CYP7B1: variants seen among roughly 807,000 people sequenced by gnomAD.
CYP7B1 encodes the protein cytochrome P450 7B1.
In CYP7B1, 29 loss-of-function variants were observed where a neutral mutation model predicts 42.7. The observed-to-expected ratio is 0.68, with a 90% CI of 0.51 to 0.93. The LOEUF (loss-of-function observed/expected upper bound fraction) is 0.93. Ranked by LOEUF, CYP7B1 falls within the 40% of genes least tolerant of loss-of-function variation. The pLI is 0.00. For synonymous variants in CYP7B1, 235 were observed against 218.2 expected, an observed-to-expected ratio of 1.08 and a Z score of -0.68; for missense variants, 655 against 600.5, an observed-to-expected ratio of 1.09 and a Z score of -0.95.
chr8:64,786,392 A>AT (rs1449000670), intron 1 of CYP7B1, among the ~76,000 whole-genome samples: 6 of 152,212 alleles, frequency 3.9e-5, no homozygotes, highest in Non-Finnish European at 7.3e-5. Flanking sequence ...CCCATTCCAA[A>AT]TGGGAGAAAC....
chr8:64,724,923 T>C (rs1807299448), intron 1 of CYP7B1, among the ~76,000 whole-genome samples: 1 of 152,236 alleles, frequency 6.6e-6, no homozygotes, highest in African/African-American at 2.4e-5. Flanking sequence ...CCTGTCTTTC[T>C]GTCTGTCAGC....
chr8:64,593,715 T>A lies in CYP7B1; in HGVS notation c.*2927A>T, dbSNP rs760687390. On this transcript the variant is annotated 3_prime_UTR_variant, in exon 6 of 6. Coordinates refer to ENST00000310193, the MANE Select transcript of CYP7B1 (RefSeq NM_004820.5). ...GTAAACAAGCCATTCCTGGTAACAG[T>A]GACAGCAAAACACATAAACTACAGA... 2.6e-5 allele frequency among the ~76,000 whole-genome samples: 4 copies of A among 152,068 alleles called. No individual in the cohort carries two copies. The highest frequency in any genetic ancestry group is 5.9e-5 in the Non-Finnish European group (4 of 68,016).
rs1806895258 is a variant in CYP7B1, at chr8:64,700,283, A to T, written c.123-75744T>A. ...GCAATTTTGACATCAGTCCTTTCTAACAACCACCAGGACAGGGACCATCTA... is the reference window on the plus strand; with the variant it reads ...GCAATTTTGACATCAGTCCTTTCTATCAACCACCAGGACAGGGACCATCTA... On this transcript the variant is annotated intron_variant, in intron 1 of 5. Coordinates refer to ENST00000310193, the MANE Select transcript of CYP7B1 (RefSeq NM_004820.5). Among the ~76,000 whole-genome samples, 3 of 152,074 alleles carry T rather than the reference A, an allele frequency of 2.0e-5. No homozygotes were observed. The South Asian group carries it at 6.2e-4, about 31-fold the overall frequency.
chr8:64,606,925 G>A (rs919700237), intron 4 of CYP7B1, among the ~76,000 whole-genome samples: 2 of 152,182 alleles, frequency 1.3e-5, no homozygotes, highest in African/African-American at 4.8e-5. Context: ...AGAGCTATAC[G>A]TTGAGAAGAA....
intron 1 of CYP7B1, among the ~76,000 whole-genome samples, chr8:64,670,309 TC>T (rs1806346285): frequency 6.6e-6 from 1 of 152,214 alleles, no homozygotes; most frequent in Non-Finnish European, 1.5e-5. Context: ...CATGTATTTT[TC>T]AATACTATAT....
chr8:64,718,214 T>C (rs4737677), intron 1 of CYP7B1, among the ~76,000 whole-genome samples: 12,268 of 152,136 alleles, frequency 0.081, 742 homozygotes, highest in African/African-American at 0.16. Flanking sequence ...ATTAACTACC[T>C]CTTCGTTCAT....
intron 1 of CYP7B1, among the ~76,000 whole-genome samples, chr8:64,750,465 G>A (rs188170663): frequency 8.7e-4 from 133 of 152,292 alleles, no homozygotes; most frequent in African/African-American, 3.2e-3. Flanking sequence ...GCTTCTTAGG[G>A]AAAAATTAAG....
chr8:64,796,761 T>C (rs149950260), intron 1 of CYP7B1, among the ~76,000 whole-genome samples: 11 of 152,286 alleles, frequency 7.2e-5, no homozygotes, highest in South Asian at 2.1e-4. Flanking sequence ...GTGGAAAATA[T>C]AAGGTGCAAC....
chr8:64,652,015 A>C (rs111527674), intron 1 of CYP7B1, among the ~76,000 whole-genome samples: 10 of 152,328 alleles, frequency 6.6e-5, no homozygotes, highest in African/African-American at 2.4e-4. Context: ...TCTATCAATG[A>C]TAGCTATTGT....
At chr8:64,648,947 C>T (rs1805995171) in intron 1 of CYP7B1, among the ~76,000 whole-genome samples, 1 of 152,154 alleles carries the variant, frequency 6.6e-6, no homozygotes, top group African/African-American at 2.4e-5. Context: ...ATCATCCTTA[C>T]CCACATGCTC....
At chr8:64,696,998 C>T (rs1215186421) in intron 1 of CYP7B1, among the ~76,000 whole-genome samples, 3 of 152,100 alleles carry the variant, frequency 2.0e-5, no homozygotes, top group Admixed American at 6.5e-5. Context: ...GTGGCAAATG[C>T]TACAAACACA....
intron 1 of CYP7B1, among the ~76,000 whole-genome samples, chr8:64,779,399 C>T (rs1322348314): frequency 6.6e-6 from 1 of 152,022 alleles, no homozygotes; most frequent in Non-Finnish European, 1.5e-5. Flanking sequence ...AAAGTGTTGG[C>T]CATCCCTATT....
chr8:64,693,126 C>T (rs1207111095), intron 1 of CYP7B1, among the ~76,000 whole-genome samples: 2 of 152,204 alleles, frequency 1.3e-5, no homozygotes, highest in South Asian at 4.1e-4. Flanking sequence ...ACTTGCAGAG[C>T]CTAGCCAGAG....
intron 5 of CYP7B1, 44 bp from the exon 6 acceptor site, chr8:64,596,973 A>T: frequency 6.5e-7 from 1 of 1,542,920 alleles, no homozygotes; most frequent in Non-Finnish European, 8.8e-7. Flanking sequence ...TATATGAAAT[A>T]GTTTGAGTTC....
At chr8:64,686,421 C>CT (rs1806647010) in intron 1 of CYP7B1, among the ~76,000 whole-genome samples, 1 of 35,742 alleles carries the variant, frequency 2.8e-5, no homozygotes, top group Admixed American at 2.1e-4. Context: ...GTCAGCCCCC[C>CT]GCCTGGCCAG....
chr8:64,764,839 A>T (rs1356517714), intron 1 of CYP7B1, among the ~76,000 whole-genome samples: 1 of 152,242 alleles, frequency 6.6e-6, no homozygotes, highest in Non-Finnish European at 1.5e-5. Context: ...TGTTAGAAAA[A>T]GGTGATTTAA....
chr8:64,623,996 G>T (rs147363663), intron 2 of CYP7B1, among the ~76,000 whole-genome samples: 2 of 152,004 alleles, frequency 1.3e-5, no homozygotes, highest in South Asian at 2.1e-4. Flanking sequence ...AACTGTGATT[G>T]GGGGGAGGGG....
chr8:64,792,752 G>A (rs1233515832), intron 1 of CYP7B1, among the ~76,000 whole-genome samples: 1 of 152,164 alleles, frequency 6.6e-6, no homozygotes, highest in Non-Finnish European at 1.5e-5. Context: ...ACGTGATTGT[G>A]ATGATTTAGA....
chr8:64,778,943 T>C (rs1335917033), intron 1 of CYP7B1, among the ~76,000 whole-genome samples: 1 of 152,140 alleles, frequency 6.6e-6, no homozygotes, highest in Admixed American at 6.5e-5. Context: ...GACCGTCAAG[T>C]GTGGCTTTCA....
Sources: allele counts gnomAD v4.1 joint callset (sites outside exome capture counted in the v4.1 genomes callset), GRCh38; gene constraint gnomAD v4.1.1; transcripts MANE v1.5; gene names NCBI Gene and HGNC (gene_info 2026-07-23, HGNC 2026-07-21).